Variants in PPIE observed in about 807,000 individuals in gnomAD.
PPIE encodes peptidylprolyl isomerase E.
PPIE carries 20 observed loss-of-function variants against 38.4 expected under a neutral mutation model. That is an observed-to-expected ratio of 0.52 (90% CI 0.37 to 0.76). The LOEUF (loss-of-function observed/expected upper bound fraction) is 0.76. Ranked by LOEUF, PPIE falls within the 30% of genes least tolerant of loss-of-function variation. The pLI, the probability that PPIE is intolerant of heterozygous loss-of-function variation, is 0.00. For missense variants in PPIE, 322 were observed against 385.8 expected, an observed-to-expected ratio of 0.83 and a Z score of 1.39; for synonymous variants, 142 against 135.7, an observed-to-expected ratio of 1.05 and a Z score of -0.32.
At chr1:39,739,752 A>C (rs1647012578) in intron 1 of PPIE, among the ~76,000 whole-genome samples, 1 of 152,180 alleles carries the variant, frequency 6.6e-6, no homozygotes. Flanking sequence ...AGACCCAGGA[A>C]ATTAGGAAGC....
In PPIE at chr1:39,740,192, A is replaced by G. The variant is rs1432577835; in HGVS notation, c.59A>G (p.Lys20Arg). 1.2e-6 allele frequency: 2 copies of G among 1,614,202 alleles called. No homozygotes were observed. Among genetic ancestry groups the G allele is most frequent in the African/African-American group, 1.3e-5 (1 of 75,046 alleles). ...GGACTGGCAGAGGAAGTGGACGACA[A>G]AGTTCTTCATGCTGCGTTCATTCCT... is the stretch of plus-strand genomic sequence containing the variant. ...VGGLAEEVDDKVLHAAFIPFG... is the reference protein window; with the variant it reads ...VGGLAEEVDDRVLHAAFIPFG... The change falls in exon 2 of 10, where the codon AAA becomes AGA. Residue 20 changes from lysine to arginine, a missense_variant. By Grantham distance (26) the Lys-to-Arg change is conservative. Coordinates refer to ENST00000324379, the MANE Select transcript of PPIE (RefSeq NM_006112.4).
chr1:39,762,483 T>G (rs2124423028), intron 9 of PPIE: 1 of 1,540,036 alleles, frequency 6.5e-7, no homozygotes, highest in Non-Finnish European at 8.8e-7. Context: ...GCAGCACCAG[T>G]GATCCCATCA....
rs890183516 is a variant in PPIE, at chr1:39,753,534, C to T, written c.*179C>T. 14 of 1,411,480 alleles carry T rather than the reference C, an allele frequency of 9.9e-6. No homozygotes were observed. Among genetic ancestry groups the T allele is most frequent in the Middle Eastern group, 2.6e-4 (1 of 3,820 alleles). The allele number at this position is 1,411,480 out of a possible 1,614,324, so 87.4% of individuals were successfully genotyped here. The stretch of plus-strand genomic sequence containing the variant: ...TCTGCAGGCACAGCCTGGACTATTC[C>T]CAGGCACAGCTGTGGGCCCAGGAGC... On this transcript the variant is annotated 3_prime_UTR_variant, in exon 10 of 10. Coordinates refer to ENST00000324379, the MANE Select transcript of PPIE (RefSeq NM_006112.4).
chr1:39,762,957 G>A (rs1276937330), intron 9 of PPIE: 19 of 1,137,916 alleles, frequency 1.7e-5, no homozygotes, highest in Middle Eastern at 2.1e-4. Context: ...AGTTAGCGAC[G>A]TTACTGACTG....
At position 39,753,434 on chromosome 1, in the gene PPIE, C is replaced by A; in HGVS notation, c.*79C>A. ...GAACTGCCAGCCTCAGAGGAGGCAGCACCGAGGGTGCCTGTTTGAAGCAAG... is the reference window on the plus strand; with the variant it reads ...GAACTGCCAGCCTCAGAGGAGGCAGAACCGAGGGTGCCTGTTTGAAGCAAG... On this transcript the variant is annotated 3_prime_UTR_variant, in exon 10 of 10. Coordinates refer to ENST00000324379, the MANE Select transcript of PPIE (RefSeq NM_006112.4). 6.4e-7 allele frequency: 1 copy of A among 1,573,636 alleles called. No homozygotes were observed. Among genetic ancestry groups the A allele is most frequent in the Non-Finnish European group, 8.6e-7 (1 of 1,160,432 alleles).
At position 39,749,025 on chromosome 1, in the gene PPIE, G is replaced by C; in HGVS notation, c.631G>C (p.Gly211Arg). The change falls in exon 8 of 10, where the codon GGC (glycine) becomes CGC (arginine). Residue 211 changes from glycine (G) to arginine (R), a missense_variant. By Grantham distance (125) the Gly-to-Arg change is moderately radical. Coordinates refer to ENST00000324379, the MANE Select transcript of PPIE (RefSeq NM_006112.4). ...GDFTNHNGTG[G>R]KSIYGKKFDD... ...TTTCACAAACCACAATGGCACTGGG[G>C]GCAAGTCCATCTATGGGAAGAAGTT... 6.2e-7 allele frequency: 1 copy of C among 1,611,638 alleles called. No individual in the cohort carries two copies. The highest frequency in any genetic ancestry group is 2.2e-5 in the East Asian group (1 of 44,870).
Position 39,754,068 on chromosome 1 carries a change from A to G in PPIE, c.*713A>G, listed in dbSNP as rs546969793. 7.1e-6 allele frequency: 7 copies of G among 985,354 alleles called. No individual in the cohort carries two copies. The South Asian group carries it at 1.4e-4, about 20-fold the overall frequency. 61.0% of individuals were successfully genotyped at this position (985,354 alleles called of 1,614,324 possible). ...AAGTGCCTTCTCTGTGCCAAGTACT[A>G]TGCCTATTTGTCAGGAGACAGGAAG... On this transcript the variant is annotated 3_prime_UTR_variant, in exon 10 of 10. Coordinates refer to ENST00000324379, the MANE Select transcript of PPIE (RefSeq NM_006112.4).
At position 39,755,163 on chromosome 1, in the gene PPIE, T is replaced by C. The variant is rs959359472; in HGVS notation, c.*1808T>C. On this transcript the variant is annotated 3_prime_UTR_variant, in exon 10 of 10. Coordinates refer to ENST00000324379, the MANE Select transcript of PPIE (RefSeq NM_006112.4). Reference sequence around the variant, plus strand: ...ATAAAGAATCTCATCTGCTGAAGGCTTTTAGCAGGGACTGAGTCCTGTAGC... The same window carrying C: ...ATAAAGAATCTCATCTGCTGAAGGCCTTTAGCAGGGACTGAGTCCTGTAGC... 2 of 985,470 alleles carry C rather than the reference T, an allele frequency of 2.0e-6. No homozygotes were observed. Among genetic ancestry groups the C allele is most frequent in the South Asian group, 9.4e-5 (2 of 21,292 alleles). 61.0% of individuals were successfully genotyped at this position (985,470 alleles called of 1,614,324 possible). A position where few individuals can be genotyped will look rare whatever the true frequency, so the allele number is the denominator to read the frequency against.
intron 9 of PPIE, among the ~76,000 whole-genome samples, chr1:39,763,378 CTT>C (rs1008395666): frequency 2.1e-5 from 3 of 145,878 alleles, no homozygotes; most frequent in East Asian, 2.0e-4. Context: ...CATATCTTCA[CTT>C]TGCGTCCCCT....
rs749682141 is a variant in PPIE, at chr1:39,753,947, C to T, written c.*592C>T. On this transcript the variant is annotated 3_prime_UTR_variant, in exon 10 of 10. Transcript: ENST00000324379. The stretch of plus-strand genomic sequence containing the variant: ...TGCCTCTGCTCCTAAACCCAGCTGC[C>T]GGCCTTACAGCCAGCAAGTGTACTC... The T allele has an allele frequency of 2.2e-4, 217 of 985,252 alleles. No individual in the cohort carries two copies. Among genetic ancestry groups the T allele is most frequent in the Non-Finnish European group, 2.5e-4 (211 of 829,932 alleles). 61.0% of individuals were successfully genotyped at this position (985,252 alleles called of 1,614,324 possible). A position where few individuals can be genotyped will look rare whatever the true frequency, so the allele number is the denominator to read the frequency against.
At chr1:39,761,202 G>C (rs1648914701), downstream of PPIE, 1 of 152,872 alleles carries the variant, frequency 6.5e-6, no homozygotes. Context: ...GGTCTAATGG[G>C]GCCTCAGCGG....
rs1647051460 is a variant in PPIE, at chr1:39,741,280, A to G, written c.131-86A>G. On this transcript the variant is annotated intron_variant, in intron 2 of 9. Transcript: ENST00000324379. Reference sequence around the variant, plus strand: ...AGAACTTCTGGTGTTTGGATACGACATGTAACTGACTTCACTTTGTGACCA... The same window carrying G: ...AGAACTTCTGGTGTTTGGATACGACGTGTAACTGACTTCACTTTGTGACCA... The G allele has an allele frequency of 3.3e-6, 4 of 1,197,322 alleles. No homozygotes were observed. In the South Asian group the frequency reaches 4.9e-5, roughly 15 times the overall value. The allele number at this position is 1,197,322 out of a possible 1,614,324, so 74.2% of individuals were successfully genotyped here.
chr1:39,756,188 C>G lies in PPIE; in HGVS notation c.*2833C>G, dbSNP rs1309725582. The G allele has an allele frequency of 1.0e-6, 1 of 985,342 alleles. No homozygotes were observed. The highest frequency in any genetic ancestry group is 1.2e-6 in the Non-Finnish European group (1 of 829,930). 61.0% of individuals were successfully genotyped at this position (985,342 alleles called of 1,614,324 possible). A position where few individuals can be genotyped will look rare whatever the true frequency, so the allele number is the denominator to read the frequency against. ...GGCTGCCTCGGGAAAACTCTGACCT[C>G]TCTGGGAAGTGGAGCCAGTGGCTCT... On this transcript the variant is annotated 3_prime_UTR_variant, in exon 10 of 10. Coordinates refer to ENST00000324379, the MANE Select transcript of PPIE (RefSeq NM_006112.4).
At position 39,752,440 on chromosome 1, in the gene PPIE, A is replaced by G. The variant is rs112873514; in HGVS notation, c.695-470A>G. On this transcript the variant is annotated intron_variant, in intron 8 of 9. Coordinates refer to ENST00000324379, the MANE Select transcript of PPIE (RefSeq NM_006112.4). ...CCGCTTGATCAGAAACTTAGGAGTCATTGTGGACACACACACACATACATA... is the reference window on the plus strand; with the variant it reads ...CCGCTTGATCAGAAACTTAGGAGTCGTTGTGGACACACACACACATACATA... 2.3e-3 allele frequency among the ~76,000 whole-genome samples: 347 copies of G among 152,354 alleles called. 3 individuals carry two copies. The highest frequency in any genetic ancestry group is 0.017 in the South Asian group (80 of 4,830).
rs1648013355 is a variant in PPIE at position 39,753,849 on chromosome 1, G to A, written c.*494G>A. The A allele has an allele frequency of 4.1e-6, 4 of 986,584 alleles. No homozygotes were observed. The highest frequency in any genetic ancestry group is 4.8e-6 in the Non-Finnish European group (4 of 830,780). 61.1% of individuals were successfully genotyped at this position (986,584 alleles called of 1,614,324 possible). On this transcript the variant is annotated 3_prime_UTR_variant, in exon 10 of 10. Transcript: ENST00000324379. ...TTGGGCCGATCCCCTTAGATGTCAG[G>A]TGATGTATCTTCACACCAGGCATCG...
rs1647444172 is a variant in PPIE at position 39,749,214 on chromosome 1, A to C, written c.694+126A>C. On this transcript the variant is annotated intron_variant, in intron 8 of 9. Coordinates refer to ENST00000324379, the MANE Select transcript of PPIE (RefSeq NM_006112.4). ...AGAGTCTGGAGGAGACCCAGCCACC[A>C]GACATAGGAGAACCATGCAGCCTTG... 3 of 966,554 alleles carry C rather than the reference A, an allele frequency of 3.1e-6. No homozygotes were observed. The South Asian group carries it at 5.0e-5, about 16-fold the overall frequency. 59.9% of individuals were successfully genotyped at this position (966,554 alleles called of 1,614,324 possible).
intron 7 of PPIE, chr1:39,746,388 G>T (rs1301078280): frequency 6.6e-6 from 1 of 152,172 alleles, no homozygotes; most frequent in Non-Finnish European, 1.5e-5. Flanking sequence ...GCATCCAGGT[G>T]TCTGCATCTT....
chr1:39,751,945 AT>A (rs1647775713), intron 8 of PPIE, among the ~76,000 whole-genome samples: 1 of 152,076 alleles, frequency 6.6e-6, no homozygotes, highest in African/African-American at 2.4e-5. Context: ...TGAAAAAAGA[AT>A]AAAAAAATTA....
At chr1:39,746,476 A>G (rs1186453772) in intron 7 of PPIE, 3 of 152,224 alleles carry the variant, frequency 2.0e-5, no homozygotes, top group African/African-American at 7.2e-5. Context: ...ATTTGTCATT[A>G]TGGTACCTCA....
Sources: gnomAD v4.1 joint callset for allele counts (sites outside exome capture counted in the v4.1 genomes callset) on GRCh38, gnomAD v4.1.1 for gene constraint, MANE v1.5 for transcripts, NCBI Gene and HGNC (gene_info 2026-07-23, HGNC 2026-07-21) for gene names.